The following TAF10 variants were observed in gnomAD, a reference collection of about 807,000 sequenced individuals.
TAF10 encodes TATA-box binding protein associated factor 10, also known as transcription initiation factor TFIID subunit 10.
TAF10 carries 2 observed loss-of-function variants against 18.1 expected under a neutral mutation model. The observed-to-expected ratio is 0.11, with a 90% CI of 0.05 to 0.35. The LOEUF is 0.35. Ranked by LOEUF, TAF10 falls within the 10% of genes least tolerant of loss-of-function variation. The pLI is 1.00. For missense variants in TAF10, 293 were observed against 306.9 expected (o/e 0.95, Z 0.34); for synonymous variants, 158 against 134.6 (o/e 1.17, Z -1.20).
Position 6,611,941 on chromosome 11 carries a change from C to G in TAF10, c.232+17G>C, listed in dbSNP as rs1323706272. On this transcript the variant is annotated intron_variant, in intron 1 of 4. Coordinates refer to ENST00000299424, the MANE Select transcript of TAF10 (RefSeq NM_006284.4). ...GCCCAAGACGCTTCCCTCGCCCTCA[C>G]CCGTCCCGGCCCTCACCCGCCCCAC... The G allele has an allele frequency of 1.3e-6, 2 of 1,574,448 alleles. No individual in the cohort carries two copies. Among genetic ancestry groups the G allele is most frequent in the South Asian group, 1.1e-5 (1 of 87,828 alleles).
chr11:6,611,254 T>C lies in TAF10; in HGVS notation c.502A>G (p.Asn168Asp). 6.2e-7 allele frequency: 1 copy of C among 1,614,066 alleles called. No homozygotes were observed. Residue 168 changes from asparagine (N) to aspartate (D), a missense_variant, in exon 4 of 5, where the codon AAT becomes GAT. Physicochemically the swap from Asn to Asp is conservative, Grantham distance 23. Transcript: ENST00000299424. ...AAQKFISDIANDALQHCKMKG... is the reference protein window; with the variant it reads ...AAQKFISDIADDALQHCKMKG... ...ATTTTGCAGTGCTGTAGGGCATCAT[T>C]GGCAATATCTGAGATGAATTTCTGG...
rs1336168476 is a variant in TAF10 at position 6,610,670 on chromosome 11, C to T, written c.*252G>A. The T allele has an allele frequency of 6.9e-6, 11 of 1,600,468 alleles. No individual in the cohort carries two copies. Among genetic ancestry groups the T allele is most frequent in the Non-Finnish European group, 9.4e-6 (11 of 1,168,664 alleles). The stretch of plus-strand genomic sequence containing the variant: ...TCGGGACATGGTTGGGGGAATGCAC[C>T]TCCCCAAAGCAGCAGGCCTCTGGTT... On this transcript the variant is annotated 3_prime_UTR_variant, in exon 5 of 5. Transcript: ENST00000299424.
rs1855467619 is a variant in TAF10, at chr11:6,611,745, C to T, written c.306G>A (p.Ala102=). 1 of 1,611,692 alleles carries T rather than the reference C, an allele frequency of 6.2e-7. No individual in the cohort carries two copies. The highest frequency in any genetic ancestry group is 8.5e-7 in the Non-Finnish European group (1 of 1,178,886). The stretch of plus-strand genomic sequence containing the variant: ...CCACGGGCTTCACGTCTCCGTTGGC[C>T]GCGCTCGGCAGTACGTAAACCCCGT... ...ISNGVYVLPS[A]ANGDVKPVVS... The change falls in exon 2 of 5, where the codon GCG becomes GCA. Residue 102 remains alanine, a synonymous_variant. Coordinates refer to ENST00000299424, the MANE Select transcript of TAF10 (RefSeq NM_006284.4).
rs1855038219 is a variant in TAF10 at position 6,607,448 on chromosome 11, A to G, written c.*3474T>C. Reference sequence around the variant, plus strand: ...GTCAAAAGCATTTCTCCTTTTCAACATAAACCCTTCCAAAACATCATTTAA... The same window carrying G: ...GTCAAAAGCATTTCTCCTTTTCAACGTAAACCCTTCCAAAACATCATTTAA... On this transcript the variant is annotated 3_prime_UTR_variant, in exon 5 of 5. Transcript: ENST00000299424. 1 of 160,302 alleles carries G rather than the reference A, an allele frequency of 6.2e-6. No homozygotes were observed. The highest frequency in any genetic ancestry group is 2.4e-5 in the African/African-American group (1 of 41,504). 9.9% of individuals were successfully genotyped at this position (160,302 alleles called of 1,614,324 possible). A position where few individuals can be genotyped will look rare whatever the true frequency, so the allele number is the denominator to read the frequency against.
chr11:6,608,289 A>T lies in TAF10; in HGVS notation c.*2633T>A, dbSNP rs1049153289. On this transcript the variant is annotated 3_prime_UTR_variant, in exon 5 of 5. Coordinates refer to ENST00000299424, the MANE Select transcript of TAF10 (RefSeq NM_006284.4). This position sits in a 1 kb window ranked among gnomAD's most constrained non-coding sequence, Gnocchi z 4.9. ...TCACAGGCACTGTAACATACAGTAG[A>T]AAGCATGTGTGCTCTTCCCCCTTTT... The T allele has an allele frequency of 6.3e-6, 10 of 1,577,458 alleles. No individual in the cohort carries two copies. The African/African-American group carries it at 1.2e-4, about 19-fold the overall frequency.
In TAF10 at chr11:6,608,614, A is replaced by C. The variant is rs1665076710; in HGVS notation, c.*2308T>G. 7.3e-7 allele frequency: 1 copy of C among 1,371,250 alleles called. No homozygotes were observed. Among genetic ancestry groups the C allele is most frequent in the Non-Finnish European group, 1.0e-6 (1 of 958,576 alleles). 84.9% of individuals were successfully genotyped at this position (1,371,250 alleles called of 1,614,324 possible). ...TGTGACACTTACAGGATTAAGTTCT[A>C]CATTTGTGCATTCATGGTTGGTTCA... is the stretch of plus-strand genomic sequence containing the variant. On this transcript the variant is annotated 3_prime_UTR_variant, in exon 5 of 5. Coordinates refer to ENST00000299424, the MANE Select transcript of TAF10 (RefSeq NM_006284.4). This position sits in a 1 kb window ranked among gnomAD's most constrained non-coding sequence, Gnocchi z 4.9.
At position 6,610,168 on chromosome 11, in the gene TAF10, G is replaced by C; in HGVS notation, c.*754C>G. 1.2e-6 allele frequency: 2 copies of C among 1,614,236 alleles called. No homozygotes were observed. The highest frequency in any genetic ancestry group is 1.7e-6 in the Non-Finnish European group (2 of 1,180,042). ...TCCAGCTCTGCAGAAGAAGCCTGAA[G>C]ACACAAACAGACGCTCAGCAGACAT... is the stretch of plus-strand genomic sequence containing the variant. On this transcript the variant is annotated 3_prime_UTR_variant, in exon 5 of 5. Coordinates refer to ENST00000299424, the MANE Select transcript of TAF10 (RefSeq NM_006284.4).
Position 6,612,023 on chromosome 11 carries a change from G to A in TAF10, c.167C>T (p.Ala56Val). ...CAAGGGTCCCGTGCCCCCAGCAGCTGCTCCAGCCCCAGGTCCCCCCGCTGT... is the reference window on the plus strand; with the variant it reads ...CAAGGGTCCCGTGCCCCCAGCAGCTACTCCAGCCCCAGGTCCCCCCGCTGT... ...AGTAGGPGAG[A>V]AAGGTGPLAA... Residue 56 changes from alanine to valine, a missense_variant, in exon 1 of 5, where the codon GCA becomes GTA. Transcript: ENST00000299424. 6.6e-7 allele frequency: 1 copy of A among 1,525,254 alleles called. No individual in the cohort carries two copies. Among genetic ancestry groups the A allele is most frequent in the Non-Finnish European group, 8.7e-7 (1 of 1,144,180 alleles). 94.5% of individuals were successfully genotyped at this position (1,525,254 alleles called of 1,614,324 possible).
At position 6,609,250 on chromosome 11, in the gene TAF10, G is replaced by A. The variant is rs773816755; in HGVS notation, c.*1672C>T. 4 of 1,603,940 alleles carry A rather than the reference G, an allele frequency of 2.5e-6. No individual in the cohort carries two copies. Among genetic ancestry groups the A allele is most frequent in the East Asian group, 2.2e-5 (1 of 44,830 alleles). On this transcript the variant is annotated 3_prime_UTR_variant, in exon 5 of 5. Transcript: ENST00000299424. ...AGTTTTTCCTCCAGTTAGTGGGCAA[G>A]GAAGTGGCAGCAACATTTCAAGCCT... is the stretch of plus-strand genomic sequence containing the variant.
chr11:6,608,870 T>A lies in TAF10; in HGVS notation c.*2052A>T. On this transcript the variant is annotated 3_prime_UTR_variant, in exon 5 of 5. Transcript: ENST00000299424. The surrounding 1 kb of genome is among the most constrained non-coding windows in gnomAD (Gnocchi z 4.9). ...TCCCTCTGTACCACAGCTTAGGTTGTTTTTCTTCCCTAGAGCGGGCAGAGA... is the reference window on the plus strand; with the variant it reads ...TCCCTCTGTACCACAGCTTAGGTTGATTTTCTTCCCTAGAGCGGGCAGAGA... The A allele has an allele frequency of 1.9e-6, 3 of 1,613,990 alleles. No homozygotes were observed. The South Asian group carries it at 3.3e-5, about 18-fold the overall frequency.
Position 6,610,618 on chromosome 11 carries a change from A to G in TAF10, c.*304T>C. The G allele has an allele frequency of 1.2e-6, 2 of 1,614,148 alleles. No individual in the cohort carries two copies. The highest frequency in any genetic ancestry group is 1.7e-6 in the Non-Finnish European group (2 of 1,179,976). ...GAAGATGCAGGACAAGTAGGACTGG[A>G]AGGTCCTTGCCTGAACTCCAGAGGT... On this transcript the variant is annotated 3_prime_UTR_variant, in exon 5 of 5. Transcript: ENST00000299424.
Position 6,606,486 on chromosome 11 carries a change from A to T in TAF10, c.*4436T>A, listed in dbSNP as rs983060736. The T allele has an allele frequency of 3.3e-5, 5 of 152,194 alleles. No individual in the cohort carries two copies. Among genetic ancestry groups the T allele is most frequent in the Non-Finnish European group, 5.9e-5 (4 of 68,038 alleles). 9.4% of individuals were successfully genotyped at this position (152,194 alleles called of 1,614,324 possible). A position where few individuals can be genotyped will look rare whatever the true frequency, so the allele number is the denominator to read the frequency against. The stretch of plus-strand genomic sequence containing the variant: ...TCTCAAAGGGTACCCTGATAAAGAC[A>T]GTAAGCACTGTTACTGTTTTGTTGG... On this transcript the variant is annotated 3_prime_UTR_variant, in exon 5 of 5. Transcript: ENST00000299424.
intron 4 of TAF10, 71 bp downstream of exon 4, chr11:6,611,118 C>G (rs2555174): frequency 0.27 from 434,447 of 1,590,120 alleles, 60,790 homozygotes; most frequent in African/African-American, 0.41. Context: ...TCAGTTTCCC[C>G]AAAGGGGTGG....
chr11:6,612,210 C>A lies in TAF10; in HGVS notation c.-21G>T. The A allele has an allele frequency of 8.1e-7, 1 of 1,240,378 alleles. No individual in the cohort carries two copies. The highest frequency in any genetic ancestry group is 1.0e-6 in the Non-Finnish European group (1 of 981,478). The allele number at this position is 1,240,378 out of a possible 1,614,324, so 76.8% of individuals were successfully genotyped here. A position where few individuals can be genotyped will look rare whatever the true frequency, so the allele number is the denominator to read the frequency against. ...CTCATCGGGCCGGTGGGAGAGGCGG[C>A]GAACAGAGCCGCTTCCGCTTCCGCT... On this transcript the variant is annotated 5_prime_UTR_variant, in exon 1 of 5. Coordinates refer to ENST00000299424, the MANE Select transcript of TAF10 (RefSeq NM_006284.4).
chr11:6,608,962 G>A lies in TAF10; in HGVS notation c.*1960C>T, dbSNP rs1282667873. The A allele has an allele frequency of 2.5e-6, 4 of 1,613,990 alleles. No individual in the cohort carries two copies. The highest frequency in any genetic ancestry group is 1.3e-5 in the African/African-American group (1 of 74,904). Reference sequence around the variant, plus strand: ...TTCTGGAAGGGGACCACCCGCACTCGGCCCCGTGAGTCACCACTGTGGGAA... The same window carrying A: ...TTCTGGAAGGGGACCACCCGCACTCAGCCCCGTGAGTCACCACTGTGGGAA... On this transcript the variant is annotated 3_prime_UTR_variant, in exon 5 of 5. Transcript: ENST00000299424. The surrounding 1 kb of genome is among the most constrained non-coding windows in gnomAD (Gnocchi z 4.9).
At position 6,611,213 on chromosome 11, in the gene TAF10, G is replaced by A. The variant is rs760747077; in HGVS notation, c.543C>T (p.Ser181=). 6 of 1,614,084 alleles carry A rather than the reference G, an allele frequency of 3.7e-6. No individual in the cohort carries two copies. Among genetic ancestry groups the A allele is most frequent in the Non-Finnish European group, 2.5e-6 (3 of 1,179,998 alleles). The change falls in exon 4 of 5, where the codon TCC becomes TCT. Residue 181 remains serine (S), a synonymous_variant. Transcript: ENST00000299424. The stretch of plus-strand genomic sequence containing the variant: ...CCTTGCTCTTGCTCCGGGAGCTGCC[G>A]GAGGCCGTGCCCTTCATTTTGCAGT... ...LQHCKMKGTA[S]GSSRSKSKDR... is the part of the protein sequence containing the mutation.
In TAF10 at chr11:6,609,824, A is replaced by G. The variant is rs1855319903; in HGVS notation, c.*1098T>C. 1.9e-6 allele frequency: 3 copies of G among 1,614,050 alleles called. No homozygotes were observed. Among genetic ancestry groups the G allele is most frequent in the African/African-American group, 1.3e-5 (1 of 74,974 alleles). On this transcript the variant is annotated 3_prime_UTR_variant, in exon 5 of 5. Transcript: ENST00000299424. The stretch of plus-strand genomic sequence containing the variant: ...TAGAGCCCCTCATCCCACGACATGC[A>G]CTCAATAGCCGTAGTGTAATGGTGA...
Position 6,610,031 on chromosome 11 carries a change from C to G in TAF10, c.*891G>C. 1 of 1,614,108 alleles carries G rather than the reference C, an allele frequency of 6.2e-7. No homozygotes were observed. ...TGTATGCACCTGCCTGGGTAGCCCC[C>G]GAAGGTGAGTGAAGTCATCATGTCG... On this transcript the variant is annotated 3_prime_UTR_variant, in exon 5 of 5. Transcript: ENST00000299424.
At position 6,611,691 on chromosome 11, in the gene TAF10, C is replaced by G; in HGVS notation, c.360G>C (p.Leu120Phe). ...TAGGCGTGTAATCTTCCAGCTGCATCAAGAAGTCCACCAAAGGCGTGCTGG... is the reference window on the plus strand; with the variant it reads ...TAGGCGTGTAATCTTCCAGCTGCATGAAGAAGTCCACCAAAGGCGTGCTGG... The part of the protein sequence containing the change: ...VVSSTPLVDF[L>F]MQLEDYTPTI... Residue 120 changes from leucine to phenylalanine, a missense_variant, in exon 2 of 5, where the codon TTG (leucine) becomes TTC (phenylalanine). Leu to Phe is a conservative substitution (Grantham distance 22). Transcript: ENST00000299424. 6.2e-7 allele frequency: 1 copy of G among 1,603,232 alleles called. No homozygotes were observed. Among genetic ancestry groups the G allele is most frequent in the South Asian group, 1.1e-5 (1 of 89,772 alleles).
Sources: gnomAD v4.1 joint callset for allele counts on GRCh38, gnomAD v4.1.1 for gene constraint, Gnocchi (gnomAD v3.1) non-coding constraint, MANE v1.5 for transcripts, NCBI Gene and HGNC (gene_info 2026-07-23, HGNC 2026-07-21) for gene names.